Variants in GRID1 observed in about 807,000 individuals in gnomAD.
The protein encoded by GRID1 is glutamate receptor ionotropic, delta-1.
GRID1 carries 28 observed loss-of-function variants against 98.0 expected under a neutral mutation model. That is an observed-to-expected ratio of 0.29 (90% confidence interval 0.21 to 0.39). The LOEUF (loss-of-function observed/expected upper bound fraction) is 0.39, where lower values mean the gene tolerates loss of function less well. Among genes scored for constraint, GRID1 ranks in the 10% least tolerant of loss-of-function variants. The pLI, the probability that GRID1 is intolerant of heterozygous loss-of-function variation, is 1.00. For missense variants in GRID1, 1,111 were observed against 1,340.5 expected, an observed-to-expected ratio of 0.83 and a Z score of 2.67; for synonymous variants, 553 against 538.5, an observed-to-expected ratio of 1.03 and a Z score of -0.37.
chr10:86,242,378 G>A (rs367871344), intron 2 of GRID1, among the ~76,000 whole-genome samples: 14 of 152,216 alleles, frequency 9.2e-5, no homozygotes, highest in Non-Finnish European at 1.2e-4. Context: ...TGACCCAGAC[G>A]CTGACCTTGA....
At chr10:86,188,008 T>C (rs776260132) in intron 3 of GRID1, among the ~76,000 whole-genome samples, 4 of 152,176 alleles carry the variant, frequency 2.6e-5, no homozygotes, top group Non-Finnish European at 4.4e-5. Flanking sequence ...CCAGGAGGAC[T>C]CCAGGCCTTT....
At chr10:85,725,719 G>T (rs1392384365) in intron 10 of GRID1, among the ~76,000 whole-genome samples, 2 of 152,186 alleles carry the variant, frequency 1.3e-5, no homozygotes, top group Non-Finnish European at 2.9e-5. Flanking sequence ...TCAAACTGAG[G>T]AAACACACGT....
rs149154858 is a variant in GRID1, at chr10:85,901,073, A to C, written c.780+15113T>G. 5.5e-3 allele frequency among the ~76,000 whole-genome samples: 841 copies of C among 152,290 alleles called. 9 individuals are homozygous for C. Among genetic ancestry groups the C allele is most frequent in the Middle Eastern group, 0.024 (7 of 294 alleles). On this transcript the variant is annotated intron_variant, in intron 5 of 15. Coordinates refer to ENST00000327946, the MANE Select transcript of GRID1 (RefSeq NM_017551.3). ...CCAGAACAGAACTATAAATGCTGCG[A>C]CGCGGATTCATAACAAGTAACAAGA...
intron 8 of GRID1, among the ~76,000 whole-genome samples, chr10:85,853,875 C>T (rs1191613753): frequency 6.6e-6 from 1 of 152,204 alleles, no homozygotes; most frequent in Admixed American, 6.5e-5. Context: ...GAAAACTGTT[C>T]TCTATCACCC....
chr10:86,184,317 T>C (rs557790062), intron 3 of GRID1, among the ~76,000 whole-genome samples: 1 of 152,326 alleles, frequency 6.6e-6, no homozygotes, highest in East Asian at 1.9e-4. Context: ...ATCTAAGAAA[T>C]CTTTGCCTAA....
intron 3 of GRID1, among the ~76,000 whole-genome samples, chr10:86,183,668 T>G (rs954686870): frequency 2.0e-5 from 3 of 152,256 alleles, no homozygotes; most frequent in Non-Finnish European, 4.4e-5. Context: ...CCAAAATGTT[T>G]TAATTCATTC....
chr10:86,136,276 A>T (rs1258378912), intron 4 of GRID1, among the ~76,000 whole-genome samples: 1 of 152,152 alleles, frequency 6.6e-6, no homozygotes, highest in Non-Finnish European at 1.5e-5. Flanking sequence ...TCCCCACCAC[A>T]CTTAGGAGAT....
At chr10:85,864,744 T>C (rs1843199009) in intron 6 of GRID1, among the ~76,000 whole-genome samples, 1 of 152,172 alleles carries the variant, frequency 6.6e-6, no homozygotes, top group Admixed American at 6.5e-5. Context: ...TAATAGAGTG[T>C]GTGCAGCACA....
At chr10:86,310,739 C>A (rs939291388) in intron 2 of GRID1, among the ~76,000 whole-genome samples, 1 of 152,206 alleles carries the variant, frequency 6.6e-6, no homozygotes, top group African/African-American at 2.4e-5. Flanking sequence ...CCAGAGACTC[C>A]ACATCTGCTG....
intron 12 of GRID1, among the ~76,000 whole-genome samples, chr10:85,691,337 A>G (rs1841329597): frequency 6.6e-6 from 1 of 152,122 alleles, no homozygotes; most frequent in South Asian, 2.1e-4. Flanking sequence ...TCATTCTTTC[A>G]CTTGGCCCTA....
chr10:86,179,592 C>A (rs1845626284), intron 3 of GRID1, among the ~76,000 whole-genome samples: 1 of 152,144 alleles, frequency 6.6e-6, no homozygotes, highest in African/African-American at 2.4e-5. Context: ...GGCCTCAAGT[C>A]CCCTTCTGCT....
intron 8 of GRID1, among the ~76,000 whole-genome samples, chr10:85,783,881 T>C (rs1842402461): frequency 6.6e-6 from 1 of 152,180 alleles, no homozygotes; most frequent in African/African-American, 2.4e-5. Flanking sequence ...AGAGCATTCT[T>C]TGAGATAGCC....
intron 2 of GRID1, among the ~76,000 whole-genome samples, chr10:86,341,782 G>A (rs971190425): frequency 6.6e-5 from 10 of 152,338 alleles, no homozygotes; most frequent in African/African-American, 2.4e-4. Flanking sequence ...CAAAGGGCCT[G>A]GACCGAGTGG....
chr10:85,961,168 T>C (rs1001313555), intron 4 of GRID1, among the ~76,000 whole-genome samples: 11 of 152,034 alleles, frequency 7.2e-5, no homozygotes, highest in African/African-American at 9.7e-5. Context: ...GCTCTGAGGA[T>C]AGAATGAAAT....
At position 85,647,084 on chromosome 10, in the gene GRID1, C is replaced by T. The variant is rs1195134280; in HGVS notation, c.2193+118G>A. 3 of 771,354 alleles carry T rather than the reference C, an allele frequency of 3.9e-6. No individual in the cohort carries two copies. In the African/African-American group the frequency reaches 5.2e-5, roughly 13 times the overall value. 47.8% of individuals were successfully genotyped at this position (771,354 alleles called of 1,614,324 possible). On this transcript the variant is annotated intron_variant, in intron 13 of 15. Transcript: ENST00000327946. The stretch of plus-strand genomic sequence containing the variant: ...CCTAAAGAACGTGTGCGATGGATCG[C>T]CTTGCAGGTAACAGGGCTGCTCAGA...
At chr10:86,337,698 CTTTTTTTT>C (rs57891044) in intron 2 of GRID1, among the ~76,000 whole-genome samples, 6 of 73,336 alleles carry the variant, frequency 8.2e-5, no homozygotes, top group East Asian at 5.2e-4. Context: ...CCTTTGGGAA[CTTTTTTTT>C]TTTTTTTTTT....
intron 4 of GRID1, among the ~76,000 whole-genome samples, chr10:85,958,507 A>T (rs906301181): frequency 5.3e-5 from 8 of 151,214 alleles, no homozygotes; most frequent in African/African-American, 1.9e-4. Flanking sequence ...ACTGGGCCAC[A>T]GGGTGTCCAG....
At chr10:86,067,175 C>A (rs1244719542) in intron 4 of GRID1, among the ~76,000 whole-genome samples, 1 of 152,226 alleles carries the variant, frequency 6.6e-6, no homozygotes, top group Non-Finnish European at 1.5e-5. Flanking sequence ...ACTGAGCCGT[C>A]CCAAGTACTG....
intron 4 of GRID1, among the ~76,000 whole-genome samples, chr10:85,944,235 T>G (rs938835857): frequency 6.6e-6 from 1 of 152,190 alleles, no homozygotes; most frequent in African/African-American, 2.4e-5. Flanking sequence ...CTAAAATAAA[T>G]GGTTGTTGCT....
Sources: allele counts gnomAD v4.1 joint callset (sites outside exome capture counted in the v4.1 genomes callset), GRCh38; gene constraint gnomAD v4.1.1; transcripts MANE v1.5; gene names NCBI Gene and HGNC (gene_info 2026-07-23, HGNC 2026-07-21).